TRMT61B: variants seen among roughly 807,000 people sequenced by gnomAD.
The protein encoded by TRMT61B is tRNA (adenine(58)-N(1))-methyltransferase, mitochondrial.
A neutral mutation model predicts 52.0 loss-of-function variants in TRMT61B; 56 were observed. The ratio of observed to expected loss-of-function variants is 1.08; its 90% confidence interval spans 0.87 to 1.35. TRMT61B has a LOEUF of 1.35. TRMT61B is among the 40% of genes most tolerant of loss of function. The pLI is 0.00. For missense variants in TRMT61B, 650 were observed against 577.9 expected, an observed-to-expected ratio of 1.12 and a Z score of -1.28; for synonymous variants, 206 against 220.0, an observed-to-expected ratio of 0.94 and a Z score of 0.56.
At chr2:28,867,611 C>G (rs769314595) in intron 1 of TRMT61B, among the ~76,000 whole-genome samples, 3 of 152,256 alleles carry the variant, frequency 2.0e-5, no homozygotes, top group Non-Finnish European at 4.4e-5. Flanking sequence ...TGACTTTTAT[C>G]TGTAACAAAT....
Position 28,851,071 on chromosome 2 carries a change from C to T in TRMT61B, c.1312+1G>A. The T allele has an allele frequency of 1.3e-6, 2 of 1,593,788 alleles. No homozygotes were observed. The highest frequency in any genetic ancestry group is 1.1e-5 in the South Asian group (1 of 88,684). On this transcript the variant is annotated splice_donor_variant, in intron 5 of 6. Coordinates refer to ENST00000306108, the MANE Select transcript of TRMT61B (RefSeq NM_017910.4). LOFTEE classifies it high-confidence loss of function. ...ATGCATAAAGTAAAACTGAAGCTCA[C>T]CATGGTCATCCTCTTGAAACAGCTC...
At chr2:28,867,225 A>G (rs1669888177) in intron 1 of TRMT61B, among the ~76,000 whole-genome samples, 1 of 152,054 alleles carries the variant, frequency 6.6e-6, no homozygotes, top group South Asian at 2.1e-4. Flanking sequence ...CCTCCTGCGT[A>G]GCTGGGACCA....
At chr2:28,864,023 T>C (rs949067164) in intron 2 of TRMT61B, among the ~76,000 whole-genome samples, 6 of 151,950 alleles carry the variant, frequency 3.9e-5, no homozygotes, top group Admixed American at 1.3e-4. Flanking sequence ...CATGAAAAAA[T>C]ATATATGTTT....
Position 28,852,417 on chromosome 2 carries a change from T to C in TRMT61B, c.1076A>G (p.Tyr359Cys), listed in dbSNP as rs763575737. 3 of 1,592,670 alleles carry C rather than the reference T, an allele frequency of 1.9e-6. No individual in the cohort carries two copies. In the South Asian group the frequency reaches 3.4e-5, roughly 18 times the overall value. ...HLKHGGVCAV[Y>C]VVNITQVIEL... ...CAGTTATATTACTCACTTTACTACA[T>C]ATACAGCACATACACCACCATGCTT... Residue 359 changes from tyrosine (Y) to cysteine (C), a missense_variant, in exon 4 of 7, where the codon TAT becomes TGT. Transcript: ENST00000306108.
chr2:28,866,880 C>T (rs996833541), intron 1 of TRMT61B, among the ~76,000 whole-genome samples: 2 of 152,084 alleles, frequency 1.3e-5, no homozygotes, highest in African/African-American at 2.4e-5. Context: ...ACGGCAGCCT[C>T]GAACTTCTGG....
At chr2:28,866,371 T>C (rs1669850452) in intron 1 of TRMT61B, among the ~76,000 whole-genome samples, 1 of 152,204 alleles carries the variant, frequency 6.6e-6, no homozygotes, top group Non-Finnish European at 1.5e-5. Flanking sequence ...ACCCGTTTCG[T>C]GGAAGACAGT....
Position 28,850,057 on chromosome 2 carries a change from G to A in TRMT61B, c.*142C>T. 1 of 1,159,324 alleles carries A rather than the reference G, an allele frequency of 8.6e-7. No homozygotes were observed. The highest frequency in any genetic ancestry group is 1.4e-5 in the South Asian group (1 of 72,572). 71.8% of individuals were successfully genotyped at this position (1,159,324 alleles called of 1,614,324 possible). A position where few individuals can be genotyped will look rare whatever the true frequency, so the allele number is the denominator to read the frequency against. The stretch of plus-strand genomic sequence containing the variant: ...TTGCTATGTTATACATCTTTTAGTT[G>A]TTATTTTCAAAATTATATGTATAAG... On this transcript the variant is annotated 3_prime_UTR_variant, in exon 7 of 7. Coordinates refer to ENST00000306108, the MANE Select transcript of TRMT61B (RefSeq NM_017910.4).
intron 3 of TRMT61B, among the ~76,000 whole-genome samples, chr2:28,860,648 TA>T (rs1266710953): frequency 2.0e-5 from 3 of 152,214 alleles, no homozygotes; most frequent in African/African-American, 7.2e-5. Flanking sequence ...TTGTTCATGA[TA>T]AACACCTCTG....
chr2:28,860,957 C>G lies in TRMT61B; in HGVS notation c.993+161G>C, dbSNP rs375893243. Among the ~76,000 whole-genome samples, 118 of 152,290 alleles carry G rather than the reference C, an allele frequency of 7.7e-4. No individual in the cohort carries two copies. In the South Asian group the frequency reaches 0.023, roughly 30 times the overall value. On this transcript the variant is annotated intron_variant, in intron 3 of 6. Transcript: ENST00000306108. ...CTCAGTATGTCTCTCTGTCCCAAATCCCACCATGAGATTAAAAGGCATGAA... is the reference window on the plus strand; with the variant it reads ...CTCAGTATGTCTCTCTGTCCCAAATGCCACCATGAGATTAAAAGGCATGAA...
chr2:28,860,909 A>G (rs891311302), intron 3 of TRMT61B, among the ~76,000 whole-genome samples: 25 of 152,324 alleles, frequency 1.6e-4, no homozygotes, highest in Admixed American at 8.5e-4. Context: ...ATTCAATGAC[A>G]ACTTCAGCAC....
intron 3 of TRMT61B, among the ~76,000 whole-genome samples, chr2:28,859,439 G>C (rs28556770): frequency 6.6e-6 from 1 of 152,058 alleles, no homozygotes; most frequent in Non-Finnish European, 1.5e-5. Flanking sequence ...CCCTCAAGCA[G>C]TACTCTTACC....
chr2:28,849,879 A>C lies in TRMT61B; in HGVS notation c.*320T>G, dbSNP rs1049677681. The C allele has an allele frequency of 3.1e-6, 5 of 1,588,210 alleles. No homozygotes were observed. The highest frequency in any genetic ancestry group is 3.4e-6 in the Non-Finnish European group (4 of 1,171,082). ...CAATGACCATCAATCAAATAAAGGA[A>C]AGAAAACTAATTTCTTGAAGAAAGA... On this transcript the variant is annotated 3_prime_UTR_variant, in exon 7 of 7. Transcript: ENST00000306108.
chr2:28,850,088 TAAGTC>T lies in TRMT61B; in HGVS notation c.*106_*110del. 3 of 1,175,472 alleles carry T rather than the reference TAAGTC, an allele frequency of 2.6e-6. No individual in the cohort carries two copies. In the South Asian group the frequency reaches 4.1e-5, roughly 16 times the overall value. The allele number at this position is 1,175,472 out of a possible 1,614,324, so 72.8% of individuals were successfully genotyped here. On this transcript the variant is annotated 3_prime_UTR_variant, in exon 7 of 7. Transcript: ENST00000306108. ...TTCAAAATTATATGTATAAGTTATATAAGTCATAGTAATAGCTAAAAATGCCAATC... is the reference window on the plus strand; with the variant it reads ...TTCAAAATTATATGTATAAGTTATATATAGTAATAGCTAAAAATGCCAATC...
In TRMT61B at chr2:28,861,306, C is replaced by T. The variant is rs1456135597; in HGVS notation, c.805G>A (p.Gly269Arg). The T allele has an allele frequency of 2.6e-6, 4 of 1,566,016 alleles. No individual in the cohort carries two copies. The Admixed American group carries it at 6.4e-5, about 25-fold the overall frequency. Residue 269 changes from glycine to arginine, a missense_variant and splice_region_variant, in exon 3 of 7, where the codon GGA becomes AGA. Coordinates refer to ENST00000306108, the MANE Select transcript of TRMT61B (RefSeq NM_017910.4). ...AAACTTATGACTCGTCCTTGTGATC[C>T]AACTTAAGTAAAAAATAATTTGATA... Reference protein sequence around the residue: ...GMSLFLSKAVGSQGRVISFEV... With the variant: ...GMSLFLSKAVRSQGRVISFEV...
At chr2:28,868,616 C>A (rs1669948927) in intron 1 of TRMT61B, among the ~76,000 whole-genome samples, 1 of 152,194 alleles carries the variant, frequency 6.6e-6, no homozygotes, top group East Asian at 1.9e-4. Flanking sequence ...ACGAATGAAT[C>A]CTGATCTGGA....
chr2:28,858,794 CA>C (rs1033258916), intron 3 of TRMT61B, among the ~76,000 whole-genome samples: 400 of 23,596 alleles, frequency 0.017, no homozygotes, highest in African/African-American at 0.03. Context: ...GACTCCGTCT[CA>C]AAAAAAAAAA....
Position 28,869,744 on chromosome 2 carries a change from T to G in TRMT61B, c.534A>C (p.Gly178=). 6.2e-7 allele frequency: 1 copy of G among 1,614,054 alleles called. No individual in the cohort carries two copies. The highest frequency in any genetic ancestry group is 1.7e-5 in the Admixed American group (1 of 60,000). ...CTGCCCCCCAGTTACTATTTAAGAG[T>G]CCGAAGTTGTTCAACCTAAATAATT... is the stretch of plus-strand genomic sequence containing the variant. The part of the protein sequence containing the change: ...FKKLFRLNNF[G]LLNSNWGAVP... Residue 178 remains glycine (G), a synonymous_variant, in exon 1 of 7, where the codon GGA becomes GGC. Transcript: ENST00000306108.
At chr2:28,852,797 A>G (rs556308611) in intron 3 of TRMT61B, among the ~76,000 whole-genome samples, 8 of 145,000 alleles carry the variant, frequency 5.5e-5, no homozygotes, top group Non-Finnish European at 1.1e-4. Context: ...GACTCTATTG[A>G]AAAAAAAAAA....
At chr2:28,850,437 A>T (rs1669029781) in intron 5 of TRMT61B, 32 bp from the exon 6 acceptor site, 1 of 1,386,660 alleles carries the variant, frequency 7.2e-7, no homozygotes, top group Non-Finnish European at 1.0e-6. Flanking sequence ...ACTATAAGCT[A>T]CATAAAATAT....
Sources: gnomAD v4.1 joint callset for allele counts (sites outside exome capture counted in the v4.1 genomes callset) on GRCh38, gnomAD v4.1.1 for gene constraint, MANE v1.5 for transcripts, NCBI Gene and HGNC (gene_info 2026-07-23, HGNC 2026-07-21) for gene names.